The following PLEKHH2 variants were observed in gnomAD, a reference collection of about 807,000 sequenced individuals.
PLEKHH2 encodes the protein pleckstrin homology, MyTH4 and FERM domain containing H2, also known as pleckstrin homology domain-containing family H member 2.
In PLEKHH2, 129 loss-of-function variants were observed where a neutral mutation model predicts 187.9. The ratio of observed to expected loss-of-function variants is 0.69; its 90% CI spans 0.59 to 0.79. The LOEUF (loss-of-function observed/expected upper bound fraction) is 0.79, where lower values mean the gene tolerates loss of function less well. Ranked by LOEUF, PLEKHH2 falls within the 30% of genes least tolerant of loss-of-function variation. The pLI is 0.00. For missense variants in PLEKHH2, 2,076 were observed against 1,751.2 expected (o/e 1.19, Z -3.31); for synonymous variants, 686 against 605.6 (o/e 1.13, Z -1.95).
At chr2:43,676,558 C>T (rs547120374) in intron 2 of PLEKHH2, among the ~76,000 whole-genome samples, 2 of 151,936 alleles carry the variant, frequency 1.3e-5, no homozygotes, top group African/African-American at 2.4e-5. Flanking sequence ...CACGCCTGGC[C>T]TTCCAACCAG....
chr2:43,707,237 C>T (rs920689041), intron 10 of PLEKHH2, among the ~76,000 whole-genome samples, 164 bp from the exon 11 acceptor site: 1 of 150,978 alleles, frequency 6.6e-6, no homozygotes, highest in Non-Finnish European at 1.5e-5. Flanking sequence ...TGACTTCTTC[C>T]TGTAAAACTT....
At chr2:43,762,847 A>C (rs1460158769) in intron 28 of PLEKHH2, among the ~76,000 whole-genome samples, 2 of 152,206 alleles carry the variant, frequency 1.3e-5, no homozygotes, top group African/African-American at 4.8e-5. Flanking sequence ...TTAAATTCAA[A>C]CTATGATATC....
At chr2:43,745,736 G>A (rs2104603665) in intron 23 of PLEKHH2, 130 bp from the exon 24 acceptor site, 1 of 619,618 alleles carries the variant, frequency 1.6e-6, no homozygotes, top group East Asian at 2.8e-5. Flanking sequence ...CACAGAGGCT[G>A]AAAACAAAAA....
At chr2:43,681,819 C>T (rs1668206837) in intron 3 of PLEKHH2, among the ~76,000 whole-genome samples, 3 of 152,152 alleles carry the variant, frequency 2.0e-5, no homozygotes, top group Admixed American at 2.0e-4. Context: ...ATTTTAGATT[C>T]AGCAGATACA....
At chr2:43,681,048 G>A (rs1273924793) in intron 3 of PLEKHH2, 3 of 1,290,636 alleles carry the variant, frequency 2.3e-6, no homozygotes, top group Non-Finnish European at 3.2e-6. Flanking sequence ...ATTCCTTCCT[G>A]TACCATTATG....
chr2:43,685,654 T>G (rs1668469581), intron 3 of PLEKHH2, among the ~76,000 whole-genome samples: 1 of 148,416 alleles, frequency 6.7e-6, no homozygotes, highest in Admixed American at 6.9e-5. Context: ...ATTACCCAGA[T>G]TAGTCTCGAA....
intron 21 of PLEKHH2, among the ~76,000 whole-genome samples, chr2:43,741,531 G>A (rs1311353165): frequency 6.6e-6 from 1 of 152,048 alleles, no homozygotes; most frequent in African/African-American, 2.4e-5. Flanking sequence ...TTCTTACATT[G>A]GGACCCAGGT....
chr2:43,652,413 A>G (rs934783438), intron 2 of PLEKHH2, among the ~76,000 whole-genome samples: 1 of 152,052 alleles, frequency 6.6e-6, no homozygotes, highest in African/African-American at 2.4e-5. Context: ...GCTATCCAGA[A>G]CTCTGCTACA....
intron 1 of PLEKHH2, among the ~76,000 whole-genome samples, chr2:43,639,007 G>C (rs906592605): frequency 2.0e-5 from 3 of 152,174 alleles, no homozygotes; most frequent in Non-Finnish European, 4.4e-5. Context: ...CATAACTAAA[G>C]AAATAGGTAT....
At chr2:43,734,234 A>T (rs184162588) in intron 19 of PLEKHH2, among the ~76,000 whole-genome samples, 1 of 152,270 alleles carries the variant, frequency 6.6e-6, no homozygotes, top group African/African-American at 2.4e-5. Context: ...ACTGCACCCT[A>T]ACTTTGGATT....
At position 43,655,362 on chromosome 2, in the gene PLEKHH2, CA is replaced by C. The variant is rs1574484305; in HGVS notation, c.123+10567del. Among the ~76,000 whole-genome samples, 3 of 152,148 alleles carry C rather than the reference CA, an allele frequency of 2.0e-5. No individual in the cohort carries two copies. The East Asian group carries it at 5.8e-4, about 29-fold the overall frequency. On this transcript the variant is annotated intron_variant, in intron 2 of 29. Coordinates refer to ENST00000282406, the MANE Select transcript of PLEKHH2 (RefSeq NM_172069.4). ...GAAGGAAAGGTTAGGAAATCAAGAGCAGTGGAGAGCAGAGTATCAAAACCAG... is the reference window on the plus strand; with the variant it reads ...GAAGGAAAGGTTAGGAAATCAAGAGCGTGGAGAGCAGAGTATCAAAACCAG...
chr2:43,708,521 C>A (rs1020325899), intron 11 of PLEKHH2, among the ~76,000 whole-genome samples: 4 of 152,254 alleles, frequency 2.6e-5, no homozygotes, highest in Non-Finnish European at 5.9e-5. Context: ...GACCACACCA[C>A]TCAAATTGCA....
intron 7 of PLEKHH2, 73 bp from the exon 8 acceptor site, chr2:43,699,574 C>G: frequency 6.6e-7 from 1 of 1,504,294 alleles, no homozygotes; most frequent in Non-Finnish European, 9.0e-7. Flanking sequence ...TACAGTGTAG[C>G]TACATAAAGC....
At chr2:43,741,271 A>G (rs772847692) in intron 21 of PLEKHH2, 1 of 327,934 alleles carries the variant, frequency 3.0e-6, no homozygotes, top group Non-Finnish European at 5.5e-6. Context: ...CTGACAGAGA[A>G]TATTTTTAAG....
At chr2:43,743,517 A>G (rs1485378435) in intron 22 of PLEKHH2, among the ~76,000 whole-genome samples, 1 of 152,234 alleles carries the variant, frequency 6.6e-6, no homozygotes, top group Non-Finnish European at 1.5e-5. Flanking sequence ...AAGATTGCAT[A>G]TTGTACTATA....
rs1056830779 is a variant in PLEKHH2 at position 43,666,429 on chromosome 2, G to A, written c.124-12434G>A. Among the ~76,000 whole-genome samples, 23 of 147,326 alleles carry A rather than the reference G, an allele frequency of 1.6e-4. 1 individual carries two copies. The highest frequency in any genetic ancestry group is 5.7e-4 in the African/African-American group (21 of 36,864). On this transcript the variant is annotated intron_variant, in intron 2 of 29. Transcript: ENST00000282406. ...TCAGATGGAAATGCAGAAATCACCC[G>A]TCTTCTGCGTCGCTCACGCTGGGAG...
At chr2:43,701,836 C>A (rs1436567409) in intron 8 of PLEKHH2, among the ~76,000 whole-genome samples, 2 of 146,706 alleles carry the variant, frequency 1.4e-5, no homozygotes, top group Non-Finnish European at 3.0e-5. Context: ...GGCGCCATCT[C>A]AGCTCACTGC....
At chr2:43,762,174 G>A (rs921312075) in intron 27 of PLEKHH2, 130 bp from the exon 28 acceptor site, 15 of 677,774 alleles carry the variant, frequency 2.2e-5, no homozygotes, top group Admixed American at 1.3e-4. Flanking sequence ...TTTCCTAGGC[G>A]AGATTTTTAA....
At chr2:43,656,222 G>A (rs1666751439) in intron 2 of PLEKHH2, among the ~76,000 whole-genome samples, 1 of 152,172 alleles carries the variant, frequency 6.6e-6, no homozygotes, top group African/African-American at 2.4e-5. Flanking sequence ...CTCCCAAAGT[G>A]CTGGGATTAC....
Sources: gnomAD v4.1 joint callset for allele counts (sites outside exome capture counted in the v4.1 genomes callset) on GRCh38, gnomAD v4.1.1 for gene constraint, MANE v1.5 for transcripts, NCBI Gene and HGNC (gene_info 2026-07-23, HGNC 2026-07-21) for gene names.